The following CAGE1 variants were observed in gnomAD, a reference collection of about 807,000 sequenced individuals.
The protein encoded by CAGE1 is cancer antigen 1.
A neutral mutation model predicts 94.9 loss-of-function variants in CAGE1; 66 were observed. The observed-to-expected ratio is 0.70, with a 90% CI of 0.57 to 0.85. The LOEUF (loss-of-function observed/expected upper bound fraction) is 0.85. Ranked by LOEUF, CAGE1 falls within the 40% of genes least tolerant of loss-of-function variation. The pLI, the probability that CAGE1 is intolerant of heterozygous loss-of-function variation, is 0.00. For missense variants in CAGE1, 865 were observed against 950.4 expected (o/e 0.91, Z 1.18); for synonymous variants, 319 against 321.0 (o/e 0.99, Z 0.07).
chr6:7,385,856 A>T lies in CAGE1; in HGVS notation c.212T>A (p.Phe71Tyr). Residue 71 changes from phenylalanine (F) to tyrosine (Y), a missense_variant, in exon 3 of 14, where the codon TTT becomes TAT. Transcript: ENST00000502583. Reference sequence around the variant, plus strand: ...GGATTCATACTCATTTTCCCTTTCAAAATTCTTTATTTCGTTCTGTATTAA... The same window carrying T: ...GGATTCATACTCATTTTCCCTTTCATAATTCTTTATTTCGTTCTGTATTAA... Reference protein sequence around the residue: ...CDLPQNEIKNFERENEYESTL... With the variant: ...CDLPQNEIKNYERENEYESTL... The T allele has an allele frequency of 6.5e-7, 1 of 1,535,668 alleles. No homozygotes were observed. The highest frequency in any genetic ancestry group is 8.8e-7 in the Non-Finnish European group (1 of 1,140,084).
intron 3 of CAGE1, among the ~76,000 whole-genome samples, chr6:7,381,242 G>T (rs1395518402): frequency 6.6e-6 from 1 of 152,186 alleles, no homozygotes; most frequent in Non-Finnish European, 1.5e-5. Flanking sequence ...GGTCACAAGG[G>T]TAGGCCCTAA....
In CAGE1 at chr6:7,373,313, T is replaced by A; in HGVS notation, c.1506A>T (p.Arg502Ser). The A allele has an allele frequency of 6.2e-7, 1 of 1,608,370 alleles. No individual in the cohort carries two copies. Among genetic ancestry groups the A allele is most frequent in the Non-Finnish European group, 8.5e-7 (1 of 1,177,456 alleles). ...QKLEKENLEE[R>S]QKLKSRLEKL... ...TCTCAAGTCTAGATTTCAGTTTCTGTCTTTCTTCCAGGTTTTCCTTTTCAA... is the reference window on the plus strand; with the variant it reads ...TCTCAAGTCTAGATTTCAGTTTCTGACTTTCTTCCAGGTTTTCCTTTTCAA... Residue 502 changes from arginine (R) to serine (S), a missense_variant, in exon 5 of 14, where the codon AGA (arginine) becomes AGT (serine). Coordinates refer to ENST00000502583, the MANE Select transcript of CAGE1 (RefSeq NM_001170692.2).
chr6:7,368,036 G>A (rs954330141), intron 7 of CAGE1, among the ~76,000 whole-genome samples: 2 of 152,000 alleles, frequency 1.3e-5, no homozygotes, highest in South Asian at 2.1e-4. Flanking sequence ...GGAGTTCAAT[G>A]GCTGCATTTC....
In CAGE1 at chr6:7,369,966, T is replaced by G; in HGVS notation, c.1846A>C (p.Lys616Gln). Reference protein sequence around the residue: ...DIKRASQLASKMHSLLALMVG... With the variant: ...DIKRASQLASQMHSLLALMVG... ...ATCAGAGCCAGAAGACTGTGCATTTTGGAGGCCAGCTGAGAAGCTCTTTTT... is the reference window on the plus strand; with the variant it reads ...ATCAGAGCCAGAAGACTGTGCATTTGGGAGGCCAGCTGAGAAGCTCTTTTT... Residue 616 changes from lysine to glutamine, a missense_variant, in exon 6 of 14, where the codon AAA (lysine) becomes CAA (glutamine). Coordinates refer to ENST00000502583, the MANE Select transcript of CAGE1 (RefSeq NM_001170692.2). The G allele has an allele frequency of 6.2e-7, 1 of 1,613,870 alleles. No homozygotes were observed. The highest frequency in any genetic ancestry group is 8.5e-7 in the Non-Finnish European group (1 of 1,179,826).
chr6:7,352,302 A>AAAC (rs1759804136), intron 11 of CAGE1, among the ~76,000 whole-genome samples: 1 of 102,146 alleles, frequency 9.8e-6, no homozygotes, highest in African/African-American at 4.3e-5. Context: ...AAAAAAAAAA[A>AAAC]AAACAAAAAA....
At chr6:7,367,152 C>T (rs1760370972) in intron 7 of CAGE1, among the ~76,000 whole-genome samples, 1 of 152,068 alleles carries the variant, frequency 6.6e-6, no homozygotes, top group Non-Finnish European at 1.5e-5. Flanking sequence ...TCAATCACTG[C>T]CCTCTTCCCT....
chr6:7,373,426 C>T lies in CAGE1; in HGVS notation c.1393G>A (p.Ala465Thr). ...AACAAGTCCAAAGCAGAAGCTGTGG[C>T]CTTTTCCAGTTCTTTTTTGAGTTGT... ...LQQLKKELEK[A>T]TASALDLLKR... The change falls in exon 5 of 14, where the codon GCC (alanine) becomes ACC (threonine). Residue 465 changes from alanine (A) to threonine (T), a missense_variant. Transcript: ENST00000502583. The T allele has an allele frequency of 1.2e-6, 2 of 1,613,822 alleles. No homozygotes were observed. Among genetic ancestry groups the T allele is most frequent in the Non-Finnish European group, 1.7e-6 (2 of 1,179,818 alleles).
intron 3 of CAGE1, among the ~76,000 whole-genome samples, chr6:7,382,031 G>T (rs1760952512): frequency 6.6e-6 from 1 of 150,510 alleles, no homozygotes; most frequent in Non-Finnish European, 1.5e-5. Context: ...GTAGAGACGG[G>T]GTTTCACCGT....
chr6:7,377,561 C>T (rs1045692847), intron 4 of CAGE1, among the ~76,000 whole-genome samples: 9 of 151,942 alleles, frequency 5.9e-5, no homozygotes, highest in Non-Finnish European at 1.2e-4. Context: ...GGTGAAAACC[C>T]GTCTCTACTA....
intron 11 of CAGE1, among the ~76,000 whole-genome samples, chr6:7,344,507 C>T (rs1372257254): frequency 1.3e-5 from 2 of 152,242 alleles, no homozygotes; most frequent in Non-Finnish European, 2.9e-5. Flanking sequence ...GCAACCCCTC[C>T]ATGAGCTCCT....
rs755194718 is a variant in CAGE1 at position 7,373,511 on chromosome 6, A to C, written c.1308T>G (p.Ser436Arg). Residue 436 changes from serine (S) to arginine (R), a missense_variant, in exon 5 of 14, where the codon AGT (serine) becomes AGG (arginine). Physicochemically the swap from Ser to Arg is moderately radical, Grantham distance 110. Transcript: ENST00000502583. ...TEMQQKNKSVSQYLEMDKTLS... is the reference protein window; with the variant it reads ...TEMQQKNKSVRQYLEMDKTLS... ...AGGTTTTGTCCATCTCTAAATACTG[A>C]CTTACAGATTTATTTTTTTGTTGCA... 5.0e-6 allele frequency: 8 copies of C among 1,613,598 alleles called. No individual in the cohort carries two copies. Among genetic ancestry groups the C allele is most frequent in the African/African-American group, 1.3e-5 (1 of 74,868 alleles).
chr6:7,342,028 T>C (rs1759196190), intron 11 of CAGE1: 1 of 847,504 alleles, frequency 1.2e-6, no homozygotes, highest in Admixed American at 1.7e-5. Context: ...GTCCTTATGA[T>C]ATTTGTCTTT....
At chr6:7,344,434 G>A (rs899503746) in intron 11 of CAGE1, among the ~76,000 whole-genome samples, 30 of 152,354 alleles carry the variant, frequency 2.0e-4, no homozygotes, top group African/African-American at 6.5e-4. Context: ...ATTTCTCACC[G>A]TGCCTTAGCT....
At chr6:7,353,585 T>C (rs1051206113) in intron 11 of CAGE1, among the ~76,000 whole-genome samples, 7 of 152,052 alleles carry the variant, frequency 4.6e-5, no homozygotes, top group Non-Finnish European at 8.8e-5. Context: ...ATGAAAAAGA[T>C]ACTTGAACAC....
chr6:7,381,308 C>G (rs1760924116), intron 3 of CAGE1, among the ~76,000 whole-genome samples: 1 of 152,132 alleles, frequency 6.6e-6, no homozygotes, highest in Non-Finnish European at 1.5e-5. Context: ...AAGGCATACA[C>G]AAAGACAAAA....
intron 4 of CAGE1, among the ~76,000 whole-genome samples, chr6:7,374,738 A>G (rs1010097306): frequency 5.9e-5 from 9 of 152,190 alleles, no homozygotes; most frequent in Non-Finnish European, 1.3e-4. Context: ...GAGGTTATAA[A>G]AAGACAGTAG....
At position 7,354,963 on chromosome 6, in the gene CAGE1, GA is replaced by G. The variant is rs1020666371; in HGVS notation, c.2369+77del. On this transcript the variant is annotated intron_variant, in intron 11 of 13. Transcript: ENST00000502583. ...ACATTTTTCTTCTTTCTAGGAGTCT[GA>G]AAAAAAGAATTTAGAATCCAGAGAA... 7 of 1,110,950 alleles carry G rather than the reference GA, an allele frequency of 6.3e-6. No individual in the cohort carries two copies. In the African/African-American group the frequency reaches 7.9e-5, roughly 12 times the overall value. The allele number at this position is 1,110,950 out of a possible 1,614,324, so 68.8% of individuals were successfully genotyped here.
chr6:7,356,170 C>T (rs1269507876), intron 9 of CAGE1, 41 bp from the exon 10 acceptor site: 5 of 1,091,042 alleles, frequency 4.6e-6, no homozygotes, highest in Admixed American at 2.1e-5. Context: ...CTGGAACCTG[C>T]CAGGAAAGCT....
intron 13 of CAGE1, among the ~76,000 whole-genome samples, chr6:7,328,904 GTGTGTGTGTGTGTGTA>G (rs1425956616): frequency 2.9e-4 from 27 of 93,190 alleles, no homozygotes; most frequent in African/African-American, 5.9e-4. Flanking sequence ...GTGTGTGTGT[GTGTGTGTGTGTGTGTA>G]TATATATATA....
Sources: gnomAD v4.1 joint callset for allele counts (sites outside exome capture counted in the v4.1 genomes callset) on GRCh38, gnomAD v4.1.1 for gene constraint, MANE v1.5 for transcripts, NCBI Gene and HGNC (gene_info 2026-07-23, HGNC 2026-07-21) for gene names.